The following ARID1B variants were observed in gnomAD, a reference collection of about 807,000 sequenced individuals.
ARID1B encodes the protein AT-rich interaction domain 1B, also known as AT-rich interactive domain-containing protein 1B.
Under a neutral mutation model 212.3 loss-of-function variants are expected in ARID1B, and 30 were observed. That is an observed-to-expected ratio of 0.14 (90% CI 0.11 to 0.19). The LOEUF (loss-of-function observed/expected upper bound fraction) is 0.19. Among genes scored for constraint, ARID1B ranks in the 10% least tolerant of loss-of-function variants. The pLI, the probability that ARID1B is intolerant of heterozygous loss-of-function variation, is 1.00. For missense variants in ARID1B, 2,891 were observed against 3,204.0 expected (o/e 0.90, Z 2.36); for synonymous variants, 1,402 against 1,301.7 (o/e 1.08, Z -1.66).
At chr6:157,000,696 C>A (rs201124425) in intron 4 of ARID1B, among the ~76,000 whole-genome samples, 1 of 99,230 alleles carries the variant, frequency 1.0e-5, no homozygotes, top group African/African-American at 4.0e-5. Context: ...TCTAATTATT[C>A]TTTTTTTTTT....
chr6:156,958,828 A>G (rs769923386), intron 4 of ARID1B, among the ~76,000 whole-genome samples: 98 of 152,234 alleles, frequency 6.4e-4, no homozygotes, highest in Non-Finnish European at 1.2e-3. Flanking sequence ...AAGCAAAAAA[A>G]GATGAGGCCA....
intron 2 of ARID1B, among the ~76,000 whole-genome samples, chr6:156,895,089 A>G (rs1788276232): frequency 6.6e-6 from 1 of 152,266 alleles, no homozygotes; most frequent in Admixed American, 6.5e-5. Context: ...ACAAGTTTCC[A>G]AACTTTTTAA....
chr6:156,984,403 T>G (rs552834107), intron 4 of ARID1B, among the ~76,000 whole-genome samples: 1 of 152,264 alleles, frequency 6.6e-6, no homozygotes, highest in South Asian at 2.1e-4. Flanking sequence ...TCTTTTAAGG[T>G]ACCAGAATAC....
At chr6:157,121,474 A>C (rs1057471864) in intron 6 of ARID1B, among the ~76,000 whole-genome samples, 1 of 152,054 alleles carries the variant, frequency 6.6e-6, no homozygotes, top group East Asian at 1.9e-4. Context: ...AAAAATATTC[A>C]TTTTTTCCTT....
chr6:156,969,186 G>T (rs1256450707), intron 4 of ARID1B, among the ~76,000 whole-genome samples: 1 of 152,202 alleles, frequency 6.6e-6, no homozygotes, highest in African/African-American at 2.4e-5. Flanking sequence ...TATTACCTCA[G>T]TGGACACTGA....
At chr6:157,006,399 T>G (rs1779252871) in intron 4 of ARID1B, among the ~76,000 whole-genome samples, 1 of 152,210 alleles carries the variant, frequency 6.6e-6, no homozygotes, top group African/African-American at 2.4e-5. Flanking sequence ...AGAGAGAAAT[T>G]ATATTCAAAG....
chr6:156,995,357 C>T (rs1219959981), intron 4 of ARID1B, among the ~76,000 whole-genome samples: 1 of 152,204 alleles, frequency 6.6e-6, no homozygotes, highest in East Asian at 1.9e-4. Flanking sequence ...TTACAAAGGA[C>T]CTGTACAGTG....
At chr6:156,797,850 C>T (rs558253401) in intron 1 of ARID1B, among the ~76,000 whole-genome samples, 4 of 152,114 alleles carry the variant, frequency 2.6e-5, no homozygotes, top group Non-Finnish European at 4.4e-5. Context: ...GGTGCCTGGG[C>T]GTTCTAGGGG....
In ARID1B at chr6:157,131,924, C is replaced by T. The variant is rs180713443; in HGVS notation, c.2582-1104C>T. 1.5e-3 allele frequency among the ~76,000 whole-genome samples: 228 copies of T among 152,266 alleles called. 1 individual carries two copies. Among genetic ancestry groups the T allele is most frequent in the African/African-American group, 5.1e-3 (212 of 41,552 alleles). On this transcript the variant is annotated intron_variant, in intron 6 of 19. Transcript: ENST00000636930. ...CAGGCTGGTCTTGAACTCCTGTCCTCGTGATCCACCCACCTCGACCTCCCA... is the reference window on the plus strand; with the variant it reads ...CAGGCTGGTCTTGAACTCCTGTCCTTGTGATCCACCCACCTCGACCTCCCA...
intron 4 of ARID1B, among the ~76,000 whole-genome samples, chr6:156,974,686 C>T (rs1777119995): frequency 6.6e-6 from 1 of 152,192 alleles, no homozygotes; most frequent in South Asian, 2.1e-4. Context: ...CAGTGAGAAG[C>T]ATCACATGGA....
rs950931904 is a variant in ARID1B at position 157,209,143 on chromosome 6, GAAAA to G, written c.*1256_*1259del. The G allele has an allele frequency of 9.1e-5, 20 of 219,788 alleles. No homozygotes were observed. The highest frequency in any genetic ancestry group is 4.1e-4 in the African/African-American group (18 of 43,898). The allele number at this position is 219,788 out of a possible 1,614,324, so 13.6% of individuals were successfully genotyped here. Reference sequence around the variant, plus strand: ...TAATGTAGTTTAAAAAAAAAAAAAAGAAAAAAACTTGATGTAAATTCCTCCTTTT... The same window carrying G: ...TAATGTAGTTTAAAAAAAAAAAAAAGAAACTTGATGTAAATTCCTCCTTTT... On this transcript the variant is annotated 3_prime_UTR_variant, in exon 20 of 20. Coordinates refer to ENST00000636930, the MANE Select transcript of ARID1B (RefSeq NM_001374828.1).
chr6:157,110,742 T>C (rs78808526), intron 6 of ARID1B, 181 bp downstream of exon 6: 2 of 657,536 alleles, frequency 3.0e-6, no homozygotes, highest in African/African-American at 3.6e-5. Context: ...GATGCTTTCT[T>C]GTAGGTTGGG....
intron 4 of ARID1B, among the ~76,000 whole-genome samples, chr6:157,053,078 T>TATTGATTG (rs201539052): frequency 6.6e-6 from 1 of 151,378 alleles, no homozygotes; most frequent in Non-Finnish European, 1.5e-5. Flanking sequence ...AGAATTATTT[T>TATTGATTG]ATTGATTGAT....
rs774480576 is a variant in ARID1B at position 157,207,700 on chromosome 6, C to T, written c.6928C>T (p.Leu2310=). The T allele has an allele frequency of 6.2e-7, 1 of 1,608,406 alleles. No individual in the cohort carries two copies. The highest frequency in any genetic ancestry group is 1.7e-5 in the Admixed American group (1 of 59,922). ...HNLMHMQPPP[L]EPPSVDMMCR... ...CCTCATGCACATGCAGCCCCCGCCCCTGGAACCACCTAGCGTAGACATGAT... is the reference window on the plus strand; with the variant it reads ...CCTCATGCACATGCAGCCCCCGCCCTTGGAACCACCTAGCGTAGACATGAT... Residue 2310 remains leucine (L), a synonymous_variant, in exon 20 of 20, where the codon CTG becomes TTG. Transcript: ENST00000636930. This position sits in a 1 kb window ranked among gnomAD's most constrained non-coding sequence, Gnocchi z 8.5.
At chr6:156,784,389 C>T (rs945438976) in intron 1 of ARID1B, among the ~76,000 whole-genome samples, 5 of 152,130 alleles carry the variant, frequency 3.3e-5, no homozygotes, top group African/African-American at 1.2e-4. Context: ...TTTTCTCTAG[C>T]TTGGAGGCTA....
In ARID1B at chr6:156,798,291, C is replaced by T. The variant is rs1402210434; in HGVS notation, c.1791+18820C>T. On this transcript the variant is annotated intron_variant, in intron 1 of 19. Transcript: ENST00000636930. ...GGGCCTGGAGCTGCTCAGGGGAAGG[C>T]GGGAGCACGCCTGGCTCTTTGTGGC... is the stretch of plus-strand genomic sequence containing the variant. Among the ~76,000 whole-genome samples, 3 of 152,164 alleles carry T rather than the reference C, an allele frequency of 2.0e-5. No individual in the cohort carries two copies. In the South Asian group the frequency reaches 6.2e-4, roughly 32 times the overall value.
intron 4 of ARID1B, among the ~76,000 whole-genome samples, chr6:156,995,978 G>A (rs1265075024): frequency 6.6e-6 from 1 of 152,136 alleles, no homozygotes; most frequent in African/African-American, 2.4e-5. Context: ...GATATAAGCT[G>A]CGGAAAAACC....
intron 3 of ARID1B, among the ~76,000 whole-genome samples, chr6:156,908,362 ATTACT>A (rs1199914430): frequency 2.0e-5 from 3 of 152,148 alleles, no homozygotes; most frequent in African/African-American, 7.2e-5. Flanking sequence ...AATAGCCTTT[ATTACT>A]TTAATCTCTG....
In ARID1B at chr6:156,901,078, A is replaced by AT. The variant is rs553640990; in HGVS notation, c.1987-292dup. On this transcript the variant is annotated intron_variant, in intron 2 of 19. Coordinates refer to ENST00000636930, the MANE Select transcript of ARID1B (RefSeq NM_001374828.1). ...ATGCTTCTCTTTCTTAGTAGAGGCT[A>AT]TTTTTTAGTCTCAGTATTTAGCACT... is the stretch of plus-strand genomic sequence containing the variant. 3.3e-4 allele frequency among the ~76,000 whole-genome samples: 50 copies of AT among 152,182 alleles called. No homozygotes were observed. In the South Asian group the frequency reaches 9.3e-3, roughly 28 times the overall value.
Sources: gnomAD v4.1 joint callset for allele counts (sites outside exome capture counted in the v4.1 genomes callset) on GRCh38, gnomAD v4.1.1 for gene constraint, Gnocchi (gnomAD v3.1) non-coding constraint, MANE v1.5 for transcripts, NCBI Gene and HGNC (gene_info 2026-07-23, HGNC 2026-07-21) for gene names.